ARG2: variants seen among roughly 807,000 people sequenced by gnomAD.
ARG2 encodes the protein arginase-2, mitochondrial.
A neutral mutation model predicts 39.4 loss-of-function variants in ARG2; 21 were observed. The observed-to-expected ratio is 0.53, with a 90% CI of 0.38 to 0.77. The LOEUF is 0.77. Ranked by LOEUF, ARG2 falls within the 30% of genes least tolerant of loss-of-function variation. The probability of loss-of-function intolerance (pLI) is 0.00; values close to 1 mark genes in which losing one functional copy is unlikely to be tolerated. For synonymous variants in ARG2, 150 were observed against 156.7 expected (o/e 0.96, Z 0.32); for missense variants, 378 against 426.2 (o/e 0.89, Z 1.00).
At chr14:67,634,402 G>T (rs1359587402) in intron 2 of ARG2, among the ~76,000 whole-genome samples, 1 of 150,700 alleles carries the variant, frequency 6.6e-6, no homozygotes, top group Non-Finnish European at 1.5e-5. Context: ...AGACCAGCCT[G>T]GGTAGCATGG....
At chr14:67,629,509 A>T (rs2036897880) in intron 2 of ARG2, among the ~76,000 whole-genome samples, 1 of 152,210 alleles carries the variant, frequency 6.6e-6, no homozygotes, top group East Asian at 1.9e-4. Flanking sequence ...GTGGAATATC[A>T]GTTACTAGGA....
chr14:67,620,811 A>G, intron 1 of ARG2, 83 bp from the exon 2 acceptor site: 1 of 1,386,534 alleles, frequency 7.2e-7, no homozygotes, highest in Admixed American at 1.7e-5. Context: ...TTTCAGAGGA[A>G]CCTGCTGGGA....
rs1265946683 is a variant in ARG2 at position 67,642,170 on chromosome 14, C to A, written c.185-16C>A. 3.1e-6 allele frequency: 5 copies of A among 1,611,316 alleles called. No individual in the cohort carries two copies. The highest frequency in any genetic ancestry group is 4.2e-6 in the Non-Finnish European group (5 of 1,177,868). ...AGCACAGAAAATTCATCTTGTCATCCCTCATTTGCTTCCAGGCTGCCACCT... is the reference window on the plus strand; with the variant it reads ...AGCACAGAAAATTCATCTTGTCATCACTCATTTGCTTCCAGGCTGCCACCT... On this transcript the variant is annotated splice_polypyrimidine_tract_variant and intron_variant, in intron 2 of 7. Coordinates refer to ENST00000261783, the MANE Select transcript of ARG2 (RefSeq NM_001172.4).
At chr14:67,650,243 A>T (rs1463077420) in intron 7 of ARG2, 1 of 200,828 alleles carries the variant, frequency 5.0e-6, no homozygotes, top group Non-Finnish European at 1.0e-5. Context: ...TAACAGATAC[A>T]GATAACACAT....
intron 7 of ARG2, chr14:67,648,933 T>C (rs780025598): frequency 6.6e-6 from 1 of 152,230 alleles, no homozygotes; most frequent in African/African-American, 2.4e-5. Flanking sequence ...TTCAGGGCTA[T>C]AGAGAACCCT....
rs1473953997 is a variant in ARG2 at position 67,642,264 on chromosome 14, A to C, written c.263A>C (p.Asn88Thr). The C allele has an allele frequency of 6.2e-7, 1 of 1,614,114 alleles. No homozygotes were observed. Among genetic ancestry groups the C allele is most frequent in the Admixed American group, 1.7e-5 (1 of 59,978 alleles). Reference protein sequence around the residue: ...KDDLYNNLIVNPRSVGLANQE... With the variant: ...KDDLYNNLIVTPRSVGLANQE... The stretch of plus-strand genomic sequence containing the variant: ...GATCTCTACAACAACCTGATAGTGA[A>C]TCCACGCTCAGTGGGTCTTGCCAAC... The change falls in exon 3 of 8, where the codon AAT becomes ACT. Residue 88 changes from asparagine (N) to threonine (T), a missense_variant. Physicochemically the swap from Asn to Thr is moderately conservative, Grantham distance 65 (BLOSUM62 0). Transcript: ENST00000261783.
chr14:67,633,142 T>C (rs2036936080), intron 2 of ARG2, among the ~76,000 whole-genome samples: 1 of 152,172 alleles, frequency 6.6e-6, no homozygotes, highest in African/African-American at 2.4e-5. Flanking sequence ...TTTTAATTAG[T>C]ATTGTTCACA....
At position 67,651,457 on chromosome 14, in the gene ARG2, A is replaced by AAGC; in HGVS notation, c.*544_*546dup. The AAGC allele has an allele frequency of 6.2e-7, 1 of 1,613,918 alleles. No homozygotes were observed. The highest frequency in any genetic ancestry group is 1.7e-5 in the Admixed American group (1 of 60,018). ...CGAGCTCCAGTAAGATGATAATGGA[A>AAGC]AGCAGCAGCTTGTTGGTTGTCACTC... On this transcript the variant is annotated 3_prime_UTR_variant, in exon 8 of 8. Transcript: ENST00000261783.
chr14:67,631,517 C>A (rs2036919180), intron 2 of ARG2, among the ~76,000 whole-genome samples: 1 of 149,682 alleles, frequency 6.7e-6, no homozygotes, highest in Non-Finnish European at 1.5e-5. Flanking sequence ...CTCACTACAG[C>A]CTCCACCTCC....
chr14:67,629,061 G>T (rs892715963), intron 2 of ARG2, among the ~76,000 whole-genome samples: 2 of 152,210 alleles, frequency 1.3e-5, no homozygotes, highest in South Asian at 4.1e-4. Flanking sequence ...GGGCTGGGTG[G>T]GGTGGCTCAT....
intron 1 of ARG2, among the ~76,000 whole-genome samples, chr14:67,620,485 C>G (rs985491473): frequency 6.6e-6 from 1 of 152,066 alleles, no homozygotes; most frequent in Non-Finnish European, 1.5e-5. Context: ...AAGGAGCGAC[C>G]GAGGATTTAA....
chr14:67,623,286 T>C (rs749980208), intron 2 of ARG2, among the ~76,000 whole-genome samples: 1 of 152,176 alleles, frequency 6.6e-6, no homozygotes, highest in Non-Finnish European at 1.5e-5. Flanking sequence ...AGTACCAAAA[T>C]AACTTGAGTG....
intron 3 of ARG2, among the ~76,000 whole-genome samples, chr14:67,642,927 C>T (rs934149675): frequency 4.6e-5 from 7 of 151,090 alleles, no homozygotes; most frequent in Non-Finnish European, 7.4e-5. Context: ...CTCAGCCTCC[C>T]AAGTAGCTGG....
rs767370288 is a variant in ARG2 at position 67,645,644 on chromosome 14, C to T, written c.364C>T (p.Leu122=). The T allele has an allele frequency of 1.9e-6, 3 of 1,612,408 alleles. No homozygotes were observed. The highest frequency in any genetic ancestry group is 2.5e-6 in the Non-Finnish European group (3 of 1,179,398). Residue 122 remains leucine, a splice_region_variant and synonymous_variant, in exon 4 of 8, where the codon CTG becomes TTG. Coordinates refer to ENST00000261783, the MANE Select transcript of ARG2 (RefSeq NM_001172.4). ...CAAGATTATACTTGTTCTTTGCAGC[C>T]TGGCAATCGGTACCATTAGTGGCCA... is the stretch of plus-strand genomic sequence containing the variant. The part of the protein sequence containing the change: ...SCVTLGGDHS[L]AIGTISGHAR...
At chr14:67,637,450 C>T (rs1057335792) in intron 2 of ARG2, among the ~76,000 whole-genome samples, 3 of 149,172 alleles carry the variant, frequency 2.0e-5, no homozygotes, top group African/African-American at 7.4e-5. Context: ...TAATATTACT[C>T]AGTTCATCCT....
intron 2 of ARG2, among the ~76,000 whole-genome samples, chr14:67,621,658 T>A (rs371827899): frequency 1.3e-5 from 2 of 151,748 alleles, no homozygotes; most frequent in East Asian, 4.0e-4. Context: ...TTGGTCAGGC[T>A]GGTCTTGAAC....
intron 2 of ARG2, among the ~76,000 whole-genome samples, chr14:67,623,810 G>A (rs937104098): frequency 1.3e-5 from 2 of 151,968 alleles, no homozygotes; most frequent in Non-Finnish European, 2.9e-5. Flanking sequence ...CCAAAGTGCT[G>A]GGATTACAAG....
intron 2 of ARG2, among the ~76,000 whole-genome samples, chr14:67,640,625 C>T (rs554147446): frequency 8.5e-5 from 13 of 152,228 alleles, no homozygotes; most frequent in African/African-American, 1.7e-4. Context: ...TATTAAGATA[C>T]GCCACGTCTT....
chr14:67,634,044 T>C (rs2036945402), intron 2 of ARG2, among the ~76,000 whole-genome samples: 1 of 152,168 alleles, frequency 6.6e-6, no homozygotes, highest in African/African-American at 2.4e-5. Context: ...CACCATACCT[T>C]ATTTCTGCAT....
Sources: gnomAD v4.1 joint callset for allele counts (sites outside exome capture counted in the v4.1 genomes callset) on GRCh38, gnomAD v4.1.1 for gene constraint, MANE v1.5 for transcripts, NCBI Gene and HGNC (gene_info 2026-07-23, HGNC 2026-07-21) for gene names.